The following BNC2 variants were observed in gnomAD, a reference collection of about 807,000 sequenced individuals.
BNC2 encodes zinc finger protein basonuclin-2.
In BNC2, 20 loss-of-function variants were observed where a neutral mutation model predicts 76.3. The observed-to-expected ratio is 0.26, with a 90% CI of 0.18 to 0.38. The LOEUF (loss-of-function observed/expected upper bound fraction) is 0.38, where lower values mean the gene tolerates loss of function less well. BNC2 is among the 10% of genes least tolerant of loss of function. The pLI, the probability that BNC2 is intolerant of heterozygous loss-of-function variation, is 1.00. For missense variants in BNC2, 1,382 were observed against 1,399.8 expected (o/e 0.99, Z 0.20); for synonymous variants, 582 against 514.8 (o/e 1.13, Z -1.77).
chr9:16,710,695 A>G (rs1823811596), intron 3 of BNC2, among the ~76,000 whole-genome samples: 1 of 152,078 alleles, frequency 6.6e-6, no homozygotes, highest in African/African-American at 2.4e-5. Flanking sequence ...CCACCCCCAC[A>G]TAAACTATCT....
At chr9:16,483,568 A>T (rs1308494913) in intron 5 of BNC2, among the ~76,000 whole-genome samples, 1 of 152,230 alleles carries the variant, frequency 6.6e-6, no homozygotes, top group Non-Finnish European at 1.5e-5. Flanking sequence ...AATAGGAGGA[A>T]GCCATAAATC....
intron 3 of BNC2, among the ~76,000 whole-genome samples, chr9:16,711,575 T>C (rs1208495312): frequency 6.6e-6 from 1 of 152,238 alleles, no homozygotes; most frequent in Non-Finnish European, 1.5e-5. Flanking sequence ...AAAACTATAG[T>C]GATACTTTGT....
rs1268258122 is a variant in BNC2 at position 16,582,894 on chromosome 9, C to CACACACACACACACACAA, written c.433+88_433+89insTTGTGTGTGTGTGTGTGT. 6.4e-5 allele frequency: 30 copies of CACACACACACACACACAA among 468,976 alleles called. No individual in the cohort carries two copies. The African/African-American group carries it at 7.1e-4, about 11-fold the overall frequency. The allele number at this position is 468,976 out of a possible 1,614,324, so 29.1% of individuals were successfully genotyped here. On this transcript the variant is annotated intron_variant, in intron 4 of 6. Transcript: ENST00000380672. Reference sequence around the variant, plus strand: ...CAGGCCAGTGACTCCTCTAAACAGACACACACACACACACACACACACACA... The same window carrying CACACACACACACACACAA: ...CAGGCCAGTGACTCCTCTAAACAGACACACACACACACACACAAACACACACACACACACACACACACA...
At chr9:16,783,235 C>A (rs1826201150) in intron 1 of BNC2, among the ~76,000 whole-genome samples, 1 of 152,184 alleles carries the variant, frequency 6.6e-6, no homozygotes, top group African/African-American at 2.4e-5. Context: ...TCAGATGTTG[C>A]TTTTATTCAT....
intron 1 of BNC2, among the ~76,000 whole-genome samples, chr9:16,761,923 T>A (rs1171341720): frequency 6.6e-6 from 1 of 151,932 alleles, no homozygotes; most frequent in East Asian, 1.9e-4. Flanking sequence ...AGTCCACAAA[T>A]AAGGTAACAG....
intron 1 of BNC2, among the ~76,000 whole-genome samples, chr9:16,836,480 G>T (rs371688925): frequency 6.7e-6 from 1 of 149,614 alleles, no homozygotes; most frequent in Non-Finnish European, 1.5e-5. Flanking sequence ...AGTTTGTCTT[G>T]ATTTTTAAAA....
intron 1 of BNC2, among the ~76,000 whole-genome samples, chr9:16,827,324 T>C (rs1818475786): frequency 6.6e-6 from 1 of 152,344 alleles, no homozygotes; most frequent in East Asian, 1.9e-4. Flanking sequence ...TGTAATTATG[T>C]GACCTTTCAG....
At chr9:16,488,621 TTAAG>T (rs1252022310) in intron 5 of BNC2, among the ~76,000 whole-genome samples, 1 of 152,212 alleles carries the variant, frequency 6.6e-6, no homozygotes, top group Admixed American at 6.5e-5. Context: ...ATATGACAGA[TTAAG>T]TACTGCCTTA....
At chr9:16,796,481 A>C (rs1306439431) in intron 1 of BNC2, among the ~76,000 whole-genome samples, 1 of 152,010 alleles carries the variant, frequency 6.6e-6, no homozygotes, top group Non-Finnish European at 1.5e-5. Context: ...GAAAGGCAGG[A>C]GAATGGTGTG....
At chr9:16,605,981 T>C (rs906174455) in intron 3 of BNC2, among the ~76,000 whole-genome samples, 2 of 151,900 alleles carry the variant, frequency 1.3e-5, no homozygotes, top group Non-Finnish European at 1.5e-5. Context: ...TGGCCTCAAG[T>C]GACCCACTCA....
At chr9:16,619,431 T>C (rs1414663708) in intron 3 of BNC2, among the ~76,000 whole-genome samples, 1 of 151,812 alleles carries the variant, frequency 6.6e-6, no homozygotes, top group Non-Finnish European at 1.5e-5. Flanking sequence ...AGTCCACAAG[T>C]GCCAGAGGAA....
chr9:16,827,998 G>A (rs1049916381), intron 1 of BNC2, among the ~76,000 whole-genome samples: 22 of 152,114 alleles, frequency 1.4e-4, no homozygotes. Flanking sequence ...ATTATAAACT[G>A]AAAGCAGTAT....
chr9:16,719,708 TACAAA>T (rs1307732082), intron 3 of BNC2, among the ~76,000 whole-genome samples: 5 of 152,230 alleles, frequency 3.3e-5, no homozygotes, highest in Non-Finnish European at 5.9e-5. Flanking sequence ...ATTTATTAAA[TACAAA>T]ACAAGAGTGA....
At chr9:16,700,634 T>C (rs1203217398) in intron 3 of BNC2, among the ~76,000 whole-genome samples, 1 of 152,102 alleles carries the variant, frequency 6.6e-6, no homozygotes, top group Non-Finnish European at 1.5e-5. Context: ...CGGTGGTATT[T>C]ACCCCACAGT....
chr9:16,776,284 G>A (rs574415308), intron 1 of BNC2, among the ~76,000 whole-genome samples: 11 of 152,158 alleles, frequency 7.2e-5, no homozygotes, highest in South Asian at 2.1e-4. Flanking sequence ...GGGATTACAG[G>A]AGCCCACCAC....
chr9:16,744,833 T>C (rs1824952898), intron 1 of BNC2, among the ~76,000 whole-genome samples: 1 of 152,228 alleles, frequency 6.6e-6, no homozygotes, highest in South Asian at 2.1e-4. Flanking sequence ...GCTTATAGCA[T>C]TTCAGTGCTT....
chr9:16,695,886 C>T (rs1245744485), intron 3 of BNC2, among the ~76,000 whole-genome samples: 1 of 152,062 alleles, frequency 6.6e-6, no homozygotes, highest in Non-Finnish European at 1.5e-5. Context: ...CACTGGTCTC[C>T]TTTCTTTACT....
At chr9:16,422,605 G>C (rs571892866) in intron 6 of BNC2, among the ~76,000 whole-genome samples, 1 of 152,302 alleles carries the variant, frequency 6.6e-6, no homozygotes, top group East Asian at 1.9e-4. Flanking sequence ...ACTTGAAGTG[G>C]AGATGGGAAG....
intron 4 of BNC2, chr9:16,580,297 T>G: frequency 2.5e-6 from 1 of 397,356 alleles, no homozygotes; most frequent in African/African-American, 2.1e-5. Context: ...GGGATTCACA[T>G]GCTTGGGTGT....
Sources: gnomAD v4.1 joint callset for allele counts (sites outside exome capture counted in the v4.1 genomes callset) on GRCh38, gnomAD v4.1.1 for gene constraint, MANE v1.5 for transcripts, NCBI Gene and HGNC (gene_info 2026-07-23, HGNC 2026-07-21) for gene names.